Variants in PRR16 observed in about 807,000 individuals in gnomAD.
The protein encoded by PRR16 is proline rich 16, also known as protein Largen.
A neutral mutation model predicts 18.2 loss-of-function variants in PRR16; 6 were observed. The ratio of observed to expected loss-of-function variants is 0.33; its 90% confidence interval spans 0.18 to 0.65. The LOEUF (loss-of-function observed/expected upper bound fraction) is 0.65. Among genes scored for constraint, PRR16 ranks in the 30% least tolerant of loss-of-function variants. The probability of loss-of-function intolerance (pLI) is 0.74; values close to 1 mark genes in which losing one functional copy is unlikely to be tolerated. For missense variants in PRR16, 412 were observed against 376.6 expected (o/e 1.09, Z -0.78); for synonymous variants, 151 against 147.8 (o/e 1.02, Z -0.16).
chr5:120,758,132 A>G, the PRR16 span, among the ~76,000 whole-genome samples: 1 of 152,148 alleles, frequency 6.6e-6, no homozygotes, highest in Non-Finnish European at 1.5e-5. Context: ...ATTTGTAATT[A>G]TGCATTTAGG....
chr5:120,686,338 G>C lies in PRR16; in HGVS notation c.544G>C (p.Ala182Pro). 6.2e-7 allele frequency: 1 copy of C among 1,614,106 alleles called. No homozygotes were observed. The highest frequency in any genetic ancestry group is 8.5e-7 in the Non-Finnish European group (1 of 1,180,012). ...CATACCCAACAGTAACTTGGACAAGGCTCCAGTCCAGCTTCTGATGCATAG... is the reference window on the plus strand; with the variant it reads ...CATACCCAACAGTAACTTGGACAAGCCTCCAGTCCAGCTTCTGATGCATAG... ...CCIPNSNLDKAPVQLLMHRPE... is the reference protein window; with the variant it reads ...CCIPNSNLDKPPVQLLMHRPE... The change falls in exon 2 of 2, where the codon GCT (alanine) becomes CCT (proline). Residue 182 changes from alanine (A) to proline (P), a missense_variant. By Grantham distance (27) the Ala-to-Pro change is conservative. Coordinates refer to ENST00000407149, the MANE Select transcript of PRR16 (RefSeq NM_001300783.2).
At chr5:120,532,949 T>C (rs139191169) in intron 1 of PRR16, among the ~76,000 whole-genome samples, 80 of 152,306 alleles carry the variant, frequency 5.3e-4, no homozygotes, top group African/African-American at 1.7e-3. Context: ...CTTTACCTTT[T>C]AGTGTTTCTG....
chr5:120,564,923 T>C (rs1752688822), intron 1 of PRR16, among the ~76,000 whole-genome samples: 1 of 150,868 alleles, frequency 6.6e-6, no homozygotes, highest in East Asian at 1.9e-4. Context: ...GAGGTGGACC[T>C]TGCAGTTAGC....
chr5:120,604,384 T>G (rs949866302), intron 1 of PRR16, among the ~76,000 whole-genome samples: 1 of 152,174 alleles, frequency 6.6e-6, no homozygotes, highest in African/African-American at 2.4e-5. Context: ...CTGTCCTTTT[T>G]GTTTTCCATT....
At chr5:120,473,221 AT>A (rs560120921) in intron 1 of PRR16, among the ~76,000 whole-genome samples, 3 of 152,310 alleles carry the variant, frequency 2.0e-5, no homozygotes, top group South Asian at 4.1e-4. Context: ...AGGTATATTT[AT>A]GTTTATCCAA....
intron 1 of PRR16, among the ~76,000 whole-genome samples, chr5:120,669,888 G>A (rs1311442675): frequency 6.6e-6 from 1 of 151,946 alleles, no homozygotes. Context: ...TGGGGGCTTT[G>A]ATTTTTTTTA....
At chr5:120,502,663 C>T (rs1165242424) in intron 1 of PRR16, among the ~76,000 whole-genome samples, 3 of 152,122 alleles carry the variant, frequency 2.0e-5, no homozygotes, top group African/African-American at 4.8e-5. Flanking sequence ...TTGGGCAAAT[C>T]TTTTAATCCC....
the PRR16 span, among the ~76,000 whole-genome samples, chr5:120,745,423 G>C: frequency 1.3e-5 from 2 of 152,006 alleles, no homozygotes; most frequent in Non-Finnish European, 2.9e-5. Context: ...TTCTCATTAT[G>C]CTCTTTCCAT....
intron 1 of PRR16, among the ~76,000 whole-genome samples, chr5:120,648,831 T>G (rs1370653433): frequency 1.3e-5 from 2 of 152,090 alleles, no homozygotes; most frequent in Non-Finnish European, 2.9e-5. Context: ...CATGGTAGCT[T>G]ATTTCAAGCT....
rs545913490 is a variant in PRR16 at position 120,630,154 on chromosome 5, GTTT to G, written c.160-55796_160-55794del. 8.6e-5 allele frequency among the ~76,000 whole-genome samples: 13 copies of G among 151,674 alleles called. No individual in the cohort carries two copies. The South Asian group carries it at 2.7e-3, about 32-fold the overall frequency. On this transcript the variant is annotated intron_variant, in intron 1 of 1. Coordinates refer to ENST00000407149, the MANE Select transcript of PRR16 (RefSeq NM_001300783.2). The stretch of plus-strand genomic sequence containing the variant: ...TTCTTTCTCAATTTCTATCAATTTT[GTTT>G]TTTCTTATTTTATCATTTACATCTC...
chr5:120,602,895 C>T (rs1247594267), intron 1 of PRR16, among the ~76,000 whole-genome samples: 6 of 151,938 alleles, frequency 3.9e-5, no homozygotes, highest in Admixed American at 6.6e-5. Context: ...AAACCATCAT[C>T]GCATCTCAGG....
At chr5:120,632,353 C>G (rs973188024) in intron 1 of PRR16, among the ~76,000 whole-genome samples, 1 of 151,890 alleles carries the variant, frequency 6.6e-6, no homozygotes, top group Non-Finnish European at 1.5e-5. Flanking sequence ...ACCAGCTCAC[C>G]AGCAATATAT....
chr5:120,589,192 A>G (rs569831309), intron 1 of PRR16, among the ~76,000 whole-genome samples: 3 of 152,276 alleles, frequency 2.0e-5, no homozygotes, highest in East Asian at 1.9e-4. Context: ...ATTTTTTACT[A>G]TCTAATTTAA....
chr5:120,622,920 A>G (rs1754737930), intron 1 of PRR16, among the ~76,000 whole-genome samples: 1 of 152,178 alleles, frequency 6.6e-6, no homozygotes, highest in Non-Finnish European at 1.5e-5. Flanking sequence ...CTTTGAAACA[A>G]TGCAGTAGGG....
chr5:120,706,067 T>C, the PRR16 span, among the ~76,000 whole-genome samples: 1 of 152,234 alleles, frequency 6.6e-6, no homozygotes, highest in African/African-American at 2.4e-5. Flanking sequence ...CAAAAATGGC[T>C]TCCAATGGCC....
At chr5:120,752,915 GACA>G in the PRR16 span, among the ~76,000 whole-genome samples, 1 of 151,964 alleles carries the variant, frequency 6.6e-6, no homozygotes. Flanking sequence ...AAATAGATCA[GACA>G]ACAATGTAAG....
the PRR16 span, among the ~76,000 whole-genome samples, chr5:120,765,574 C>T: frequency 6.6e-6 from 1 of 151,914 alleles, no homozygotes; most frequent in African/African-American, 2.4e-5. Flanking sequence ...AACCTCTTTA[C>T]CTTCTTTTCT....
At chr5:120,710,345 G>A in the PRR16 span, among the ~76,000 whole-genome samples, 15 of 152,058 alleles carry the variant, frequency 9.9e-5, no homozygotes, top group Admixed American at 7.2e-4. Flanking sequence ...GGAGGATCTC[G>A]AAGTTGTTTT....
At chr5:120,562,018 T>G (rs1447666370) in intron 1 of PRR16, among the ~76,000 whole-genome samples, 1 of 152,092 alleles carries the variant, frequency 6.6e-6, no homozygotes, top group Non-Finnish European at 1.5e-5. Context: ...GCAGATTAAG[T>G]CTGATGTTTC....
Sources: allele counts gnomAD v4.1 joint callset (sites outside exome capture counted in the v4.1 genomes callset), GRCh38; gene constraint gnomAD v4.1.1; transcripts MANE v1.5; gene names NCBI Gene and HGNC (gene_info 2026-07-23, HGNC 2026-07-21).